MCM6: variants seen among roughly 807,000 people sequenced by gnomAD.
MCM6 encodes minichromosome maintenance complex component 6.
In MCM6, 46 loss-of-function variants were observed where a neutral mutation model predicts 94.3. The ratio of observed to expected loss-of-function variants is 0.49; its 90% CI spans 0.39 to 0.62. MCM6 has a LOEUF of 0.62. Ranked by LOEUF, MCM6 falls within the 20% of genes least tolerant of loss-of-function variation. The pLI is 0.00. For missense variants in MCM6, 865 were observed against 1,017.9 expected (o/e 0.85, Z 2.04); for synonymous variants, 335 against 351.9 (o/e 0.95, Z 0.54).
In MCM6 at chr2:135,852,834, C is replaced by T. The variant is rs765559970; in HGVS notation, c.1708G>A (p.Asp570Asn). The change falls in exon 12 of 17, where the codon GAT (aspartate) becomes AAT (asparagine). Residue 570 changes from aspartate (D) to asparagine (N), a missense_variant. By Grantham distance (23) the Asp-to-Asn change is conservative. Around this residue, in one of 3 missense-constraint regions of MCM6, gnomAD observed 308 missense variants for 324.5 expected, o/e 0.95. Coordinates refer to ENST00000264156, the MANE Select transcript of MCM6 (RefSeq NM_005915.6). ...EESIDRVYSL[D>N]DIRRYLLFAR... is the part of the protein sequence containing the mutation. The stretch of plus-strand genomic sequence containing the variant: ...AAGAGAAGATATCTTCTGATATCAT[C>T]GAGGGAATAGACACGATCAATTGAT... 14 of 1,609,472 alleles carry T rather than the reference C, an allele frequency of 8.7e-6. No homozygotes were observed. Among genetic ancestry groups the T allele is most frequent in the Admixed American group, 6.8e-5 (4 of 59,146 alleles).
chr2:135,852,771 C>G lies in MCM6; in HGVS notation c.1755+16G>C, dbSNP rs541926048. On this transcript the variant is annotated intron_variant, in intron 12 of 16. Coordinates refer to ENST00000264156, the MANE Select transcript of MCM6 (RefSeq NM_005915.6). ...ATACCCATTATACCTTATCCCAGTA[C>G]AAAAGGGTAGGTTACCTTGGGTTTA... 6.5e-7 allele frequency: 1 copy of G among 1,549,344 alleles called. No individual in the cohort carries two copies. The highest frequency in any genetic ancestry group is 8.7e-7 in the Non-Finnish European group (1 of 1,149,020).
In MCM6 at chr2:135,840,573, T is replaced by C. The variant is rs1237792078; in HGVS notation, c.*262A>G. The C allele has an allele frequency of 5.8e-6, 2 of 342,054 alleles. No individual in the cohort carries two copies. The highest frequency in any genetic ancestry group is 1.1e-5 in the Non-Finnish European group (2 of 186,724). The allele number at this position is 342,054 out of a possible 1,614,324, so 21.2% of individuals were successfully genotyped here. On this transcript the variant is annotated 3_prime_UTR_variant, in exon 17 of 17. Coordinates refer to ENST00000264156, the MANE Select transcript of MCM6 (RefSeq NM_005915.6). ...TTCTTACACATGAAAACAAAGGTAT[T>C]GGTTATAGAGACTACACATTATTTG...
intron 14 of MCM6, among the ~76,000 whole-genome samples, chr2:135,847,313 G>A (rs1041675123): frequency 2.0e-5 from 3 of 152,126 alleles, no homozygotes; most frequent in African/African-American, 7.2e-5. Flanking sequence ...CTATTAGAGA[G>A]GATAGGGAGA....
intron 4 of MCM6, 74 bp from the exon 5 acceptor site, chr2:135,866,802 A>C: frequency 8.0e-7 from 1 of 1,251,548 alleles, no homozygotes; most frequent in East Asian, 2.4e-5. Flanking sequence ...TAAATTAAAT[A>C]CCACAAATAC....
chr2:135,849,925 C>A (rs1679742739), intron 13 of MCM6, among the ~76,000 whole-genome samples: 1 of 151,868 alleles, frequency 6.6e-6, no homozygotes, highest in Admixed American at 6.6e-5. Context: ...TATGCAGATA[C>A]TAAATTTCAT....
chr2:135,867,094 A>T (rs1025116090), intron 4 of MCM6, among the ~76,000 whole-genome samples: 10 of 152,212 alleles, frequency 6.6e-5, no homozygotes, highest in Non-Finnish European at 1.2e-4. Context: ...GAAAATTTCA[A>T]ATACACCTTT....
chr2:135,853,373 G>A (rs1272409991), intron 11 of MCM6, among the ~76,000 whole-genome samples: 1 of 152,168 alleles, frequency 6.6e-6, no homozygotes, highest in Non-Finnish European at 1.5e-5. Context: ...GAGCCCAGGA[G>A]GTTGAAGGGG....
chr2:135,845,193 G>A (rs1482929305), intron 15 of MCM6, among the ~76,000 whole-genome samples: 1 of 152,160 alleles, frequency 6.6e-6, no homozygotes, highest in African/African-American at 2.4e-5. Flanking sequence ...TTTTAGCAAG[G>A]TTCATCTTAC....
intron 15 of MCM6, 48 bp downstream of exon 15, chr2:135,846,189 A>G (rs1308753906): frequency 6.4e-7 from 1 of 1,574,736 alleles, no homozygotes; most frequent in South Asian, 1.1e-5. Flanking sequence ...ATGTGAACAG[A>G]GCTTACAGAA....
intron 4 of MCM6, among the ~76,000 whole-genome samples, chr2:135,866,994 C>T (rs1680104707): frequency 6.6e-6 from 1 of 152,068 alleles, no homozygotes; most frequent in African/African-American, 2.4e-5. Context: ...CACTTTTACT[C>T]ATTAAAAAAT....
At chr2:135,851,611 G>A in intron 12 of MCM6, 48 bp from the exon 13 acceptor site, 3 of 1,490,872 alleles carry the variant, frequency 2.0e-6, no homozygotes, top group Non-Finnish European at 2.7e-6. Flanking sequence ...TATTTGATGA[G>A]AGCTACGGTA....
chr2:135,863,572 T>C (rs935277766), intron 7 of MCM6, among the ~76,000 whole-genome samples: 1 of 150,532 alleles, frequency 6.6e-6, no homozygotes, highest in African/African-American at 2.4e-5. Context: ...AAAAAAAAAA[T>C]TTTTTTTAAT....
chr2:135,851,399 T>A lies in MCM6; in HGVS notation c.1917+3A>T. The A allele has an allele frequency of 1.2e-6, 2 of 1,610,348 alleles. No individual in the cohort carries two copies. Among genetic ancestry groups the A allele is most frequent in the Non-Finnish European group, 1.7e-6 (2 of 1,177,600 alleles). On this transcript the variant is annotated splice_donor_region_variant and intron_variant, in intron 13 of 16. Coordinates refer to ENST00000264156, the MANE Select transcript of MCM6 (RefSeq NM_005915.6). ...TCTCATCATATCAAAGTGACTCTGA[T>A]ACCTCATCACAGCAGTGCATCCGAG...
At chr2:135,863,920 G>A (rs1680040190) in intron 7 of MCM6, among the ~76,000 whole-genome samples, 1 of 152,092 alleles carries the variant, frequency 6.6e-6, no homozygotes, top group African/African-American at 2.4e-5. Context: ...AGACCAGCCT[G>A]GCCAACATGG....
At chr2:135,863,894 T>C (rs189644650) in intron 7 of MCM6, among the ~76,000 whole-genome samples, 48 of 152,204 alleles carry the variant, frequency 3.2e-4, no homozygotes, top group African/African-American at 1.1e-3. Flanking sequence ...ATGGATCACT[T>C]GAGGTCAGGA....
At chr2:135,856,641 T>C (rs1443899346) in intron 11 of MCM6, 87 bp downstream of exon 11, 1 of 1,386,572 alleles carries the variant, frequency 7.2e-7, no homozygotes, top group Non-Finnish European at 9.9e-7. Context: ...TGCACATACA[T>C]GCACCAGCTG....
chr2:135,846,896 C>T (rs1178686566), intron 14 of MCM6, among the ~76,000 whole-genome samples: 1 of 151,672 alleles, frequency 6.6e-6, no homozygotes, highest in Non-Finnish European at 1.5e-5. Flanking sequence ...CCCAGCTACT[C>T]GGAAGCCTGA....
At chr2:135,853,965 G>A (rs1221992311) in intron 11 of MCM6, among the ~76,000 whole-genome samples, 1 of 152,204 alleles carries the variant, frequency 6.6e-6, no homozygotes, top group African/African-American at 2.4e-5. Flanking sequence ...AGTGGCTCAT[G>A]CCTGTAATCC....
At chr2:135,851,278 G>A in intron 13 of MCM6, 124 bp downstream of exon 13, 1 of 708,010 alleles carries the variant, frequency 1.4e-6, no homozygotes, top group East Asian at 2.7e-5. Flanking sequence ...ATGGTCGTAT[G>A]AGCATTCAAC....
Sources: gnomAD v4.1 joint callset for allele counts (sites outside exome capture counted in the v4.1 genomes callset) on GRCh38, gnomAD v4.1.1 for gene constraint, gnomAD v4.1.1 regional missense constraint, MANE v1.5 for transcripts, NCBI Gene and HGNC (gene_info 2026-07-23, HGNC 2026-07-21) for gene names.